NGEF: variants seen among roughly 807,000 people sequenced by gnomAD.
The protein encoded by NGEF is ephexin-1.
A neutral mutation model predicts 80.9 loss-of-function variants in NGEF; 31 were observed. The observed-to-expected ratio is 0.38, with a 90% CI of 0.29 to 0.52. The LOEUF is 0.52. NGEF is among the 20% of genes least tolerant of loss of function. The pLI is 0.84. For missense variants in NGEF, 709 were observed against 926.2 expected (o/e 0.77, Z 3.04); for synonymous variants, 371 against 370.2 (o/e 1.00, Z -0.03).
intron 5 of NGEF, among the ~76,000 whole-genome samples, chr2:232,909,729 C>T (rs1445800138): frequency 6.6e-6 from 1 of 152,128 alleles, no homozygotes; most frequent in African/African-American, 2.4e-5. Flanking sequence ...ACGCTCCCCC[C>T]ACACCTAACC....
chr2:232,935,998 G>A (rs1693317089), intron 3 of NGEF, among the ~76,000 whole-genome samples: 2 of 152,052 alleles, frequency 1.3e-5, no homozygotes, highest in Non-Finnish European at 2.9e-5. Flanking sequence ...ATTCACAGAG[G>A]CAGAACCAGC....
At chr2:232,997,949 T>C (rs6743851) in intron 1 of NGEF, among the ~76,000 whole-genome samples, 130,023 of 152,204 alleles carry the variant, frequency 0.85, 55,630 homozygotes, top group East Asian at 0.99. Flanking sequence ...TCCTCAGCCA[T>C]ATTTGGGAAA....
At chr2:232,908,832 T>C (rs1692633550) in intron 5 of NGEF, among the ~76,000 whole-genome samples, 1 of 152,206 alleles carries the variant, frequency 6.6e-6, no homozygotes, top group Non-Finnish European at 1.5e-5. Flanking sequence ...CAGTTTTCTT[T>C]GGGGTGCTCA....
chr2:232,894,681 T>C (rs1691999534), intron 6 of NGEF, 75 bp downstream of exon 6: 2 of 1,345,714 alleles, frequency 1.5e-6, no homozygotes, highest in East Asian at 2.4e-5. Context: ...CGAGCACTTG[T>C]CATCAGTGTC....
intron 5 of NGEF, among the ~76,000 whole-genome samples, chr2:232,906,258 G>C (rs1219320418): frequency 2.5e-5 from 3 of 118,948 alleles, no homozygotes; most frequent in Non-Finnish European, 5.4e-5. Flanking sequence ...GCCCCATCCG[G>C]GAGGTGAGGG....
intron 5 of NGEF, among the ~76,000 whole-genome samples, chr2:232,917,006 A>G (rs997676563): frequency 2.0e-5 from 3 of 152,190 alleles, no homozygotes; most frequent in Non-Finnish European, 4.4e-5. Context: ...CTCTCTCCCC[A>G]TCTGGTGAGG....
intron 5 of NGEF, among the ~76,000 whole-genome samples, chr2:232,920,063 G>A (rs1346760440): frequency 6.6e-6 from 1 of 152,224 alleles, no homozygotes; most frequent in Admixed American, 6.5e-5. Flanking sequence ...TGCTTCAGAC[G>A]CTCAATGTTG....
At chr2:232,968,510 A>C (rs112265048) in intron 3 of NGEF, among the ~76,000 whole-genome samples, 14 of 152,022 alleles carry the variant, frequency 9.2e-5, no homozygotes, top group African/African-American at 3.4e-4. Context: ...GATTCAAGGG[A>C]TTCTCCTGCC....
chr2:232,925,531 GGGACCCTGCCAGCCGGCTTC>G (rs1693044004), intron 4 of NGEF, among the ~76,000 whole-genome samples: 1 of 152,142 alleles, frequency 6.6e-6, no homozygotes, highest in South Asian at 2.1e-4. Context: ...ACTAGAGCTC[GGGACCCTGCCAGCCGGCTTC>G]GGACTTCTGC....
intron 8 of NGEF, among the ~76,000 whole-genome samples, chr2:232,890,404 G>A (rs1691843553): frequency 1.3e-5 from 2 of 152,162 alleles, no homozygotes; most frequent in Admixed American, 6.5e-5. Flanking sequence ...CTGCGTCCCT[G>A]AGTTTGGTCT....
chr2:232,944,436 T>G (rs941806994), intron 3 of NGEF, among the ~76,000 whole-genome samples: 1 of 151,884 alleles, frequency 6.6e-6, no homozygotes, highest in African/African-American at 2.4e-5. Context: ...AGGAGACTGG[T>G]TGAATGAACC....
chr2:232,879,572 A>G lies in NGEF; in HGVS notation c.2050T>C (p.Cys684Arg), dbSNP rs1691421167. ...PKIRSQNLKE[C>R]FRVHKMDDPQ... ...TCATCCATCTTGTGGACACGGAAAC[A>G]TTCCTTGAGGTTCTGGGACCGGATC... Residue 684 changes from cysteine (C) to arginine (R), a missense_variant, in exon 15 of 15, where the codon TGT becomes CGT. Physicochemically the swap from Cys to Arg is radical, Grantham distance 180 (BLOSUM62 -3). Around this residue, in one of 2 missense-constraint regions of NGEF, gnomAD observed 426 missense variants for 622.9 expected, o/e 0.68. Transcript: ENST00000264051. 1 of 1,613,924 alleles carries G rather than the reference A, an allele frequency of 6.2e-7. No individual in the cohort carries two copies. The highest frequency in any genetic ancestry group is 8.5e-7 in the Non-Finnish European group (1 of 1,179,994).
intron 2 of NGEF, among the ~76,000 whole-genome samples, chr2:232,973,569 C>T (rs1694236153): frequency 6.6e-6 from 1 of 152,218 alleles, no homozygotes; most frequent in South Asian, 2.1e-4. Flanking sequence ...CTTGCTCTCT[C>T]AGAACCCGAC....
At chr2:232,924,983 T>G (rs1244125796) in intron 4 of NGEF, among the ~76,000 whole-genome samples, 1 of 152,246 alleles carries the variant, frequency 6.6e-6, no homozygotes, top group Non-Finnish European at 1.5e-5. Context: ...ACAAAACGAA[T>G]AAGTTTTCTT....
At chr2:232,903,796 T>C (rs1161522736) in intron 5 of NGEF, among the ~76,000 whole-genome samples, 1 of 152,154 alleles carries the variant, frequency 6.6e-6, no homozygotes, top group African/African-American at 2.4e-5. Context: ...TCAGTAACAG[T>C]TGGTAAATTA....
At chr2:232,977,200 G>C (rs1398482461) in intron 1 of NGEF, among the ~76,000 whole-genome samples, 1 of 152,110 alleles carries the variant, frequency 6.6e-6, no homozygotes, top group East Asian at 1.9e-4. Flanking sequence ...CAGATGAACG[G>C]GGACCCCTGC....
chr2:232,984,294 T>C (rs1381545759), intron 1 of NGEF, among the ~76,000 whole-genome samples: 1 of 151,744 alleles, frequency 6.6e-6, no homozygotes, highest in Non-Finnish European at 1.5e-5. Flanking sequence ...TGTCTTGTTA[T>C]GTTACCAGGC....
chr2:232,885,229 G>T, intron 10 of NGEF, 51 bp downstream of exon 10: 1 of 1,536,724 alleles, frequency 6.5e-7, no homozygotes, highest in Non-Finnish European at 9.0e-7. Flanking sequence ...TCTGGGGCGG[G>T]GCCAGGGGCC....
At position 232,892,895 on chromosome 2, in the gene NGEF, C is replaced by G; in HGVS notation, c.1142+3G>C. 6.2e-7 allele frequency: 1 copy of G among 1,612,342 alleles called. No homozygotes were observed. The highest frequency in any genetic ancestry group is 8.5e-7 in the Non-Finnish European group (1 of 1,179,334). ...CCCTGAGCCCCTTGCCGGATACACTCACAGCAGCTGCTTATAGGTCCGCTC... is the reference window on the plus strand; with the variant it reads ...CCCTGAGCCCCTTGCCGGATACACTGACAGCAGCTGCTTATAGGTCCGCTC... On this transcript the variant is annotated splice_donor_region_variant and intron_variant, in intron 7 of 14. Transcript: ENST00000264051. The surrounding 1 kb of genome is among the most constrained non-coding windows in gnomAD (Gnocchi z 4.0).
Sources: gnomAD v4.1 joint callset for allele counts (sites outside exome capture counted in the v4.1 genomes callset) on GRCh38, gnomAD v4.1.1 for gene constraint, gnomAD v4.1.1 regional missense constraint, Gnocchi (gnomAD v3.1) non-coding constraint, MANE v1.5 for transcripts, NCBI Gene and HGNC (gene_info 2026-07-23, HGNC 2026-07-21) for gene names.